TOX3: variants seen among roughly 807,000 people sequenced by gnomAD.
TOX3 encodes TOX high mobility group box family member 3, also known as CAG trinucleotide repeat-containing gene F9 protein.
TOX3 carries 22 observed loss-of-function variants against 64.3 expected under a neutral mutation model. The ratio of observed to expected loss-of-function variants is 0.34; its 90% CI spans 0.24 to 0.49. The LOEUF is 0.49. Among genes scored for constraint, TOX3 ranks in the 20% least tolerant of loss-of-function variants. The probability of loss-of-function intolerance (pLI) is 0.99; values close to 1 mark genes in which losing one functional copy is unlikely to be tolerated. For synonymous variants in TOX3, 291 were observed against 273.6 expected, an observed-to-expected ratio of 1.06 and a Z score of -0.63; for missense variants, 661 against 714.4, an observed-to-expected ratio of 0.93 and a Z score of 0.85.
At chr16:52,446,353 G>C (rs77146257) in intron 4 of TOX3, 132 bp from the exon 5 acceptor site, 4 of 907,446 alleles carry the variant, frequency 4.4e-6, no homozygotes, top group African/African-American at 1.7e-5. Flanking sequence ...CACCAAAAGC[G>C]GGGGAGGGGT....
At position 52,439,288 on chromosome 16, in the gene TOX3, C is replaced by T; in HGVS notation, c.1668G>A (p.Gln556=). The change falls in exon 7 of 7, where the codon CAG becomes CAA. Residue 556 remains glutamine, a synonymous_variant. Transcript: ENST00000219746. ...TCTGAGACTGTATTTGCGACTGGTG[C>T]TGCTGAGAGGCTGGCTGGGGGCTCC... ...AIGSPQPASQ[Q]HQSQIQSQTQ... 5 of 1,613,926 alleles carry T rather than the reference C, an allele frequency of 3.1e-6. No individual in the cohort carries two copies. The highest frequency in any genetic ancestry group is 4.2e-6 in the Non-Finnish European group (5 of 1,179,870).
At chr16:52,499,014 T>C (rs1381260823) in intron 1 of TOX3, among the ~76,000 whole-genome samples, 1 of 152,248 alleles carries the variant, frequency 6.6e-6, no homozygotes, top group Admixed American at 6.5e-5. Context: ...CAGTTTTACA[T>C]TACAGTCCCA....
At chr16:52,461,848 A>T (rs147988020) in intron 3 of TOX3, among the ~76,000 whole-genome samples, 1 of 152,114 alleles carries the variant, frequency 6.6e-6, no homozygotes, top group African/African-American at 2.4e-5. Context: ...CCGCAGAGAG[A>T]TATAGAAGAA....
chr16:52,485,244 GTGTA>G lies in TOX3; in HGVS notation c.88-16674_88-16671del, dbSNP rs1555484137. ...TACATGTGTGTGTGTGTATGTGTGT[GTGTA>G]TATATATATATATATATATATATAC... is the stretch of plus-strand genomic sequence containing the variant. On this transcript the variant is annotated intron_variant, in intron 1 of 6. Coordinates refer to ENST00000219746, the MANE Select transcript of TOX3 (RefSeq NM_001080430.4). 9.0e-4 allele frequency among the ~76,000 whole-genome samples: 86 copies of G among 95,308 alleles called. 2 individuals carry two copies. Among genetic ancestry groups the G allele is most frequent in the African/African-American group, 4.5e-3 (82 of 18,336 alleles). 62.5% of individuals were successfully genotyped at this position (95,308 alleles called of 152,430 possible). A position where few individuals can be genotyped will look rare whatever the true frequency, so the allele number is the denominator to read the frequency against.
At chr16:52,448,526 G>A (rs1960234897) in intron 4 of TOX3, among the ~76,000 whole-genome samples, 1 of 152,178 alleles carries the variant, frequency 6.6e-6, no homozygotes, top group Non-Finnish European at 1.5e-5. Flanking sequence ...CTGTGACTGT[G>A]AGAAGACTGT....
intron 3 of TOX3, among the ~76,000 whole-genome samples, chr16:52,457,905 T>C (rs977383060): frequency 1.3e-5 from 2 of 152,152 alleles, no homozygotes; most frequent in African/African-American, 4.8e-5. Flanking sequence ...ATGAAAGTTT[T>C]GTAAAAAACA....
intron 3 of TOX3, among the ~76,000 whole-genome samples, chr16:52,463,346 T>C (rs1960751625): frequency 6.6e-6 from 1 of 152,240 alleles, no homozygotes. Flanking sequence ...CCAAAATTAT[T>C]GCATTAGTTA....
chr16:52,525,934 G>T (rs1434851482), intron 1 of TOX3, among the ~76,000 whole-genome samples: 1 of 152,152 alleles, frequency 6.6e-6, no homozygotes, highest in Non-Finnish European at 1.5e-5. Flanking sequence ...AGAACTAAAG[G>T]TTTGTTTGTT....
In TOX3 at chr16:52,437,776, T is replaced by A. The variant is rs1344568238; in HGVS notation, c.*1449A>T. ...ATTACTTTTTTCTCTATACTTACCT[T>A]GTACTTGCATCTTAAAAAAAAAAAA... On this transcript the variant is annotated 3_prime_UTR_variant, in exon 7 of 7. Coordinates refer to ENST00000219746, the MANE Select transcript of TOX3 (RefSeq NM_001080430.4). 7.2e-6 allele frequency among the ~76,000 whole-genome samples: 1 copy of A among 138,188 alleles called. No homozygotes were observed. The highest frequency in any genetic ancestry group is 1.5e-5 in the Non-Finnish European group (1 of 65,792). The allele number at this position is 138,188 out of a possible 152,430, so 90.7% of individuals were successfully genotyped here. A position where few individuals can be genotyped will look rare whatever the true frequency, so the allele number is the denominator to read the frequency against.
At chr16:52,459,186 C>T (rs1335468102) in intron 3 of TOX3, among the ~76,000 whole-genome samples, 1 of 152,048 alleles carries the variant, frequency 6.6e-6, no homozygotes, top group Non-Finnish European at 1.5e-5. Context: ...CATGGTGGCA[C>T]ACACCTGTAG....
chr16:52,543,362 A>T (rs1251956138), intron 1 of TOX3, among the ~76,000 whole-genome samples: 1 of 152,228 alleles, frequency 6.6e-6, no homozygotes, highest in Non-Finnish European at 1.5e-5. Context: ...TTTGACTGTC[A>T]CATCAGTGCT....
At chr16:52,493,457 T>C (rs1961754616) in intron 1 of TOX3, among the ~76,000 whole-genome samples, 1 of 152,112 alleles carries the variant, frequency 6.6e-6, no homozygotes, top group Admixed American at 6.5e-5. Flanking sequence ...AAAATAAATG[T>C]ATATATAAAC....
At chr16:52,536,292 A>C (rs1298402387) in intron 1 of TOX3, among the ~76,000 whole-genome samples, 1 of 152,082 alleles carries the variant, frequency 6.6e-6, no homozygotes, top group Non-Finnish European at 1.5e-5. Context: ...GGGGAAAAGG[A>C]TATTTTAGAA....
At chr16:52,486,927 C>T (rs1202876301) in intron 1 of TOX3, among the ~76,000 whole-genome samples, 1 of 151,836 alleles carries the variant, frequency 6.6e-6, no homozygotes, top group Admixed American at 6.6e-5. Flanking sequence ...CAAAGCGAGC[C>T]TCTACATCTT....
At chr16:52,481,366 C>G (rs574563561) in intron 1 of TOX3, among the ~76,000 whole-genome samples, 3 of 151,800 alleles carry the variant, frequency 2.0e-5, no homozygotes, top group Non-Finnish European at 4.4e-5. Context: ...AATAGTTTAA[C>G]GTGTTCTTTT....
At chr16:52,527,426 T>A (rs1432213085) in intron 1 of TOX3, among the ~76,000 whole-genome samples, 3 of 152,200 alleles carry the variant, frequency 2.0e-5, no homozygotes, top group Non-Finnish European at 2.9e-5. Flanking sequence ...TGAGCCCCAA[T>A]TCAGGCAAGT....
At chr16:52,482,189 C>T (rs1014925114) in intron 1 of TOX3, among the ~76,000 whole-genome samples, 3 of 152,016 alleles carry the variant, frequency 2.0e-5, no homozygotes, top group African/African-American at 7.3e-5. Context: ...TTCAATCGGG[C>T]GTTCAGCTAC....
intron 1 of TOX3, among the ~76,000 whole-genome samples, chr16:52,531,729 G>T (rs9926163): frequency 0.49 from 73,895 of 151,894 alleles, 18,231 homozygotes; most frequent in East Asian, 0.62. Flanking sequence ...CACTGGAAGT[G>T]TTCAGAAGGA....
chr16:52,485,236 ATG>A (rs1280127633), intron 1 of TOX3, among the ~76,000 whole-genome samples: 1,700 of 112,992 alleles, frequency 0.015, 47 homozygotes, highest in African/African-American at 0.057. Context: ...GTGTGTGTGT[ATG>A]TGTGTGTGTA....
Sources: gnomAD v4.1 joint callset for allele counts (sites outside exome capture counted in the v4.1 genomes callset) on GRCh38, gnomAD v4.1.1 for gene constraint, MANE v1.5 for transcripts, NCBI Gene and HGNC (gene_info 2026-07-23, HGNC 2026-07-21) for gene names.